Variants in AFAP1L1 observed in about 807,000 individuals in gnomAD.
AFAP1L1 encodes actin filament associated protein 1 like 1.
In AFAP1L1, 77 loss-of-function variants were observed where a neutral mutation model predicts 99.8. The observed-to-expected ratio is 0.77, with a 90% CI of 0.64 to 0.93. The LOEUF (loss-of-function observed/expected upper bound fraction) is 0.93. Ranked by LOEUF, AFAP1L1 falls within the 40% of genes least tolerant of loss-of-function variation. AFAP1L1 has a pLI of 0.00. For synonymous variants in AFAP1L1, 373 were observed against 395.3 expected (o/e 0.94, Z 0.67); for missense variants, 893 against 996.8 (o/e 0.90, Z 1.40).
At chr5:149,277,761 C>G (rs926880859) in intron 1 of AFAP1L1, among the ~76,000 whole-genome samples, 4 of 152,142 alleles carry the variant, frequency 2.6e-5, no homozygotes, top group Non-Finnish European at 2.9e-5. Context: ...CTTTTTCTGA[C>G]CCTTCAGTGT....
intron 15 of AFAP1L1, among the ~76,000 whole-genome samples, chr5:149,326,049 C>T (rs909076420): frequency 6.6e-6 from 1 of 152,078 alleles, no homozygotes; most frequent in Non-Finnish European, 1.5e-5. Flanking sequence ...GAGATTTTGC[C>T]GAGTGGGGAA....
chr5:149,332,994 C>G, intron 17 of AFAP1L1, 121 bp downstream of exon 17: 1 of 1,334,744 alleles, frequency 7.5e-7, no homozygotes, highest in Non-Finnish European at 9.9e-7. Context: ...GACAAGAAAA[C>G]TGAAGTCCAA....
chr5:149,335,093 T>C (rs1315269296), intron 17 of AFAP1L1, among the ~76,000 whole-genome samples: 1 of 152,170 alleles, frequency 6.6e-6, no homozygotes, highest in Non-Finnish European at 1.5e-5. Flanking sequence ...CGTAGTGAGG[T>C]TCAGTAATTT....
chr5:149,337,143 C>G (rs944882941), intron 18 of AFAP1L1, among the ~76,000 whole-genome samples: 1 of 151,970 alleles, frequency 6.6e-6, no homozygotes, highest in African/African-American at 2.4e-5. Context: ...TTGCCAGAGG[C>G]TGAGGGCTGG....
chr5:149,320,316 G>A lies in AFAP1L1; in HGVS notation c.1626-75G>A. ...AGAGTTTCTGCCAGAATCAATGAGAGTGAGGACACGAAAGCACTGTAAGCT... is the reference window on the plus strand; with the variant it reads ...AGAGTTTCTGCCAGAATCAATGAGAATGAGGACACGAAAGCACTGTAAGCT... On this transcript the variant is annotated intron_variant, in intron 13 of 18. Transcript: ENST00000296721. This position sits in a 1 kb window ranked among gnomAD's most constrained non-coding sequence, Gnocchi z 4.0. 7.1e-7 allele frequency: 1 copy of A among 1,411,254 alleles called. No homozygotes were observed. The highest frequency in any genetic ancestry group is 1.0e-6 in the Non-Finnish European group (1 of 1,003,202). 87.4% of individuals were successfully genotyped at this position (1,411,254 alleles called of 1,614,324 possible).
At chr5:149,301,379 A>G in intron 4 of AFAP1L1, 149 bp downstream of exon 4, 1 of 608,722 alleles carries the variant, frequency 1.6e-6, no homozygotes, top group Admixed American at 2.9e-5. Flanking sequence ...AGGCAGCACC[A>G]TGTGAACATT....
intron 7 of AFAP1L1, among the ~76,000 whole-genome samples, chr5:149,309,719 C>T (rs1301774611): frequency 6.6e-6 from 1 of 152,174 alleles, no homozygotes; most frequent in Non-Finnish European, 1.5e-5. Context: ...CTACATTCTG[C>T]CTCTTCCTAA....
chr5:149,305,950 T>C (rs910997008), intron 5 of AFAP1L1, among the ~76,000 whole-genome samples: 8 of 149,598 alleles, frequency 5.3e-5, no homozygotes, highest in Non-Finnish European at 1.2e-4. Flanking sequence ...TCTGGGGTCA[T>C]TGAGGAGGAG....
At chr5:149,282,693 A>C (rs796208985) in intron 1 of AFAP1L1, among the ~76,000 whole-genome samples, 5 of 152,296 alleles carry the variant, frequency 3.3e-5, no homozygotes, top group African/African-American at 1.2e-4. Flanking sequence ...CAAAGCCTAA[A>C]ATATGTAGTA....
In AFAP1L1 at chr5:149,291,979, T is replaced by C. The variant is rs537637216; in HGVS notation, c.17-7530T>C. On this transcript the variant is annotated intron_variant, in intron 1 of 18. Transcript: ENST00000296721. ...TTTGAAAACAAAGAAGGATAAGTTA[T>C]CTTTGTGATCTCTGTAAAGAGGCTG... Among the ~76,000 whole-genome samples the C allele has an allele frequency of 3.9e-5, 6 of 152,376 alleles. No individual in the cohort carries two copies. The East Asian group carries it at 1.2e-3, about 29-fold the overall frequency.
At chr5:149,287,771 A>G (rs1028128187) in intron 1 of AFAP1L1, among the ~76,000 whole-genome samples, 1 of 87,498 alleles carries the variant, frequency 1.1e-5, no homozygotes, top group Non-Finnish European at 2.6e-5. Flanking sequence ...TTTTTTTTGT[A>G]TTTTTAGTAC....
At chr5:149,329,559 C>A in intron 15 of AFAP1L1, 107 bp from the exon 16 acceptor site, 1 of 1,165,876 alleles carries the variant, frequency 8.6e-7, no homozygotes, top group Non-Finnish European at 1.2e-6. Context: ...CTAAATATTT[C>A]CATTTCATAG....
intron 15 of AFAP1L1, among the ~76,000 whole-genome samples, chr5:149,324,806 G>A (rs1045833925): frequency 1.3e-5 from 2 of 152,156 alleles, no homozygotes; most frequent in Non-Finnish European, 2.9e-5. Context: ...CTTTGCCATG[G>A]GGATTTCTTC....
chr5:149,320,593 C>T lies in AFAP1L1; in HGVS notation c.1698+130C>T. ...AGCAGCAGTAGCTAGAAGGGGAGCC[C>T]CTTCTTATCATAGAGCATGGCTCAG... is the stretch of plus-strand genomic sequence containing the variant. On this transcript the variant is annotated intron_variant, in intron 14 of 18. Transcript: ENST00000296721. This position sits in a 1 kb window ranked among gnomAD's most constrained non-coding sequence, Gnocchi z 4.0. 1 of 824,314 alleles carries T rather than the reference C, an allele frequency of 1.2e-6. No individual in the cohort carries two copies. Among genetic ancestry groups the T allele is most frequent in the Non-Finnish European group, 1.9e-6 (1 of 519,020 alleles). The allele number at this position is 824,314 out of a possible 1,614,324, so 51.1% of individuals were successfully genotyped here.
intron 5 of AFAP1L1, 174 bp downstream of exon 5, chr5:149,302,700 G>T (rs1756268848): frequency 1.8e-6 from 1 of 555,720 alleles, no homozygotes; most frequent in African/African-American, 1.9e-5. Flanking sequence ...TGACAGCCTG[G>T]GTGGACCAAT....
In AFAP1L1 at chr5:149,335,699, G is replaced by A. The variant is rs775221392; in HGVS notation, c.2260G>A (p.Gly754Arg). 10 of 1,613,918 alleles carry A rather than the reference G, an allele frequency of 6.2e-6. No homozygotes were observed. Among genetic ancestry groups the A allele is most frequent in the Admixed American group, 5.0e-5 (3 of 59,980 alleles). Residue 754 changes from glycine (G) to arginine (R), a missense_variant, in exon 18 of 19, where the codon GGA becomes AGA. Transcript: ENST00000296721. ...RSPSIVASNQGRVLQKAKEWE... is the reference protein window; with the variant it reads ...RSPSIVASNQRRVLQKAKEWE... ...CCCATCCATCGTAGCCTCCAACCAA[G>A]GAAGGGTGCTACAGAAAGCCAAGGT...
intron 18 of AFAP1L1, 131 bp downstream of exon 18, chr5:149,335,853 C>A: frequency 8.1e-7 from 1 of 1,235,884 alleles, no homozygotes; most frequent in Non-Finnish European, 1.1e-6. Context: ...CAATGAAACT[C>A]ATGAACCTTC....
chr5:149,317,590 AG>A, intron 11 of AFAP1L1, 138 bp from the exon 12 acceptor site: 1 of 787,632 alleles, frequency 1.3e-6, no homozygotes. Context: ...TGCACACCCA[AG>A]GTCACCCTGA....
chr5:149,300,174 G>T, intron 2 of AFAP1L1, 97 bp from the exon 3 acceptor site: 2 of 777,560 alleles, frequency 2.6e-6, no homozygotes, highest in Non-Finnish European at 2.0e-6. Flanking sequence ...TTTGCAAAGT[G>T]AGCACTGTGT....
Sources: gnomAD v4.1 joint callset for allele counts (sites outside exome capture counted in the v4.1 genomes callset) on GRCh38, gnomAD v4.1.1 for gene constraint, Gnocchi (gnomAD v3.1) non-coding constraint, MANE v1.5 for transcripts, NCBI Gene and HGNC (gene_info 2026-07-23, HGNC 2026-07-21) for gene names.